The following OPCML variants were observed in gnomAD, a reference collection of about 807,000 sequenced individuals.
OPCML encodes the protein opioid-binding protein/cell adhesion molecule.
OPCML carries 13 observed loss-of-function variants against 37.8 expected under a neutral mutation model. That is an observed-to-expected ratio of 0.34 (90% confidence interval 0.22 to 0.55). OPCML has a LOEUF of 0.55. Among genes scored for constraint, OPCML ranks in the 20% least tolerant of loss-of-function variants. OPCML has a pLI of 0.91. For missense variants in OPCML, 341 were observed against 435.6 expected, an observed-to-expected ratio of 0.78 and a Z score of 1.93; for synonymous variants, 176 against 168.8, an observed-to-expected ratio of 1.04 and a Z score of -0.33.
intron 1 of OPCML, chr11:133,361,636 C>A (rs1223471825): frequency 6.1e-6 from 1 of 163,224 alleles, no homozygotes; most frequent in African/African-American, 2.4e-5. Flanking sequence ...TATTCCGGGG[C>A]ACCTGCAGCT....
intron 1 of OPCML, among the ~76,000 whole-genome samples, chr11:133,470,800 C>G (rs1947091747): frequency 6.6e-6 from 1 of 152,178 alleles, no homozygotes; most frequent in Admixed American, 6.5e-5. Flanking sequence ...GTCCTTTGTG[C>G]CTTGCTCAGG....
chr11:133,497,834 T>A (rs1332838470), intron 1 of OPCML, among the ~76,000 whole-genome samples: 1 of 152,146 alleles, frequency 6.6e-6, no homozygotes, highest in Non-Finnish European at 1.5e-5. Context: ...TTAGCTCAAA[T>A]CCATTAATCC....
At chr11:132,786,264 A>G (rs1947208557) in intron 2 of OPCML, among the ~76,000 whole-genome samples, 1 of 152,234 alleles carries the variant, frequency 6.6e-6, no homozygotes. Flanking sequence ...TAACTCATCT[A>G]AAAGCTGAAA....
intron 1 of OPCML, among the ~76,000 whole-genome samples, chr11:133,525,179 C>G (rs1241601231): frequency 6.6e-6 from 1 of 152,202 alleles, no homozygotes; most frequent in African/African-American, 2.4e-5. Context: ...GCACAATAAA[C>G]AGGGAAGCCT....
intron 3 of OPCML, among the ~76,000 whole-genome samples, chr11:132,597,406 T>A (rs1374833490): frequency 6.6e-6 from 1 of 152,206 alleles, no homozygotes; most frequent in African/African-American, 2.4e-5. Flanking sequence ...GGCTGGCATA[T>A]ATCTGCTTGC....
intron 1 of OPCML, among the ~76,000 whole-genome samples, chr11:133,073,260 A>G (rs1948569336): frequency 6.6e-6 from 1 of 152,216 alleles, no homozygotes; most frequent in South Asian, 2.1e-4. Flanking sequence ...CAGAAAAGCA[A>G]GGTGCAGCCC....
intron 2 of OPCML, among the ~76,000 whole-genome samples, chr11:132,685,677 C>T (rs1009566167): frequency 6.6e-6 from 1 of 152,148 alleles, no homozygotes; most frequent in African/African-American, 2.4e-5. Flanking sequence ...ACACTCCCCC[C>T]ATCTTTTATT....
chr11:132,655,060 A>T (rs1941637850), intron 3 of OPCML, among the ~76,000 whole-genome samples: 1 of 152,224 alleles, frequency 6.6e-6, no homozygotes, highest in South Asian at 2.1e-4. Context: ...GTTATGGAGA[A>T]CATCCTTCTC....
chr11:132,717,788 A>G (rs1374093471), intron 2 of OPCML, among the ~76,000 whole-genome samples: 1 of 152,150 alleles, frequency 6.6e-6, no homozygotes, highest in Non-Finnish European at 1.5e-5. Flanking sequence ...CTCCCTCTCT[A>G]TGAGGGAAAC....
chr11:133,198,532 C>T (rs1308463478), intron 1 of OPCML, among the ~76,000 whole-genome samples: 2 of 152,196 alleles, frequency 1.3e-5, no homozygotes, highest in African/African-American at 2.4e-5. Context: ...AAGAACTTCA[C>T]GATTGGGAAC....
At chr11:133,416,662 G>A (rs1331115015) in intron 1 of OPCML, among the ~76,000 whole-genome samples, 1 of 152,156 alleles carries the variant, frequency 6.6e-6, no homozygotes, top group Non-Finnish European at 1.5e-5. Flanking sequence ...CAAGTTTCCA[G>A]CAAATGCAGG....
chr11:133,444,237 T>C (rs1429811283), intron 1 of OPCML, among the ~76,000 whole-genome samples: 1 of 152,184 alleles, frequency 6.6e-6, no homozygotes, highest in Non-Finnish European at 1.5e-5. Context: ...AACTGCTTAA[T>C]GGCCTTAGAG....
chr11:132,606,259 G>A (rs990539525), intron 3 of OPCML, among the ~76,000 whole-genome samples: 1 of 151,948 alleles, frequency 6.6e-6, no homozygotes, highest in South Asian at 2.1e-4. Context: ...GGACACAATT[G>A]CCCTTGCTTA....
chr11:133,156,130 C>T (rs1950058905), intron 1 of OPCML, among the ~76,000 whole-genome samples: 1 of 152,146 alleles, frequency 6.6e-6, no homozygotes. Context: ...TAAAGTCATC[C>T]TTTGATCTTG....
chr11:132,645,715 A>G (rs956231031), intron 3 of OPCML, among the ~76,000 whole-genome samples: 2 of 152,260 alleles, frequency 1.3e-5, no homozygotes, highest in Admixed American at 6.5e-5. Flanking sequence ...AAAATTGTGC[A>G]ATATGATAGC....
At chr11:133,020,338 C>G (rs1456131838) in intron 1 of OPCML, among the ~76,000 whole-genome samples, 1 of 152,198 alleles carries the variant, frequency 6.6e-6, no homozygotes, top group Non-Finnish European at 1.5e-5. Flanking sequence ...CATCTGTCTT[C>G]CCTCCCTTTC....
intron 2 of OPCML, among the ~76,000 whole-genome samples, chr11:132,766,457 G>A (rs540524410): frequency 6.6e-6 from 1 of 152,276 alleles, no homozygotes; most frequent in Admixed American, 6.5e-5. Context: ...GAACTTTCAT[G>A]TATATGGTAT....
intron 1 of OPCML, among the ~76,000 whole-genome samples, chr11:133,146,753 G>A (rs1398071547): frequency 4.6e-5 from 7 of 152,184 alleles, no homozygotes; most frequent in African/African-American, 1.7e-4. Flanking sequence ...GAACCACCAC[G>A]CCGGGACCTC....
At chr11:133,054,308 G>T (rs572512360) in intron 1 of OPCML, among the ~76,000 whole-genome samples, 205 of 152,276 alleles carry the variant, frequency 1.3e-3, no homozygotes, top group Non-Finnish European at 2.5e-3. Flanking sequence ...TTCTTAAAAA[G>T]TCAGATGGCA....
Sources: allele counts gnomAD v4.1 joint callset (sites outside exome capture counted in the v4.1 genomes callset), GRCh38; gene constraint gnomAD v4.1.1; transcripts MANE v1.5; gene names NCBI Gene and HGNC (gene_info 2026-07-23, HGNC 2026-07-21).